Variants in GSE1 observed in about 807,000 individuals in gnomAD.
GSE1 encodes the protein Gse1 coiled-coil protein.
Under a neutral mutation model 112.6 loss-of-function variants are expected in GSE1, and 32 were observed. That is an observed-to-expected ratio of 0.28 (90% CI 0.21 to 0.38). The LOEUF is 0.38. Among genes scored for constraint, GSE1 ranks in the 10% least tolerant of loss-of-function variants. GSE1 has a pLI of 1.00. For missense variants in GSE1, 2,348 were observed against 1,699.2 expected (o/e 1.38, Z -6.71); for synonymous variants, 1,115 against 735.6 (o/e 1.52, Z -8.35).
At chr16:85,595,821 CA>C (rs2047199191) in intron 1 of GSE1, 1 of 125,296 alleles carries the variant, frequency 8.0e-6, no homozygotes, top group African/African-American at 2.9e-5. Context: ...CCCACCCACC[CA>C]CCCACCCACT....
At chr16:85,262,850 C>T (rs907512782) in intron 1 of GSE1, among the ~76,000 whole-genome samples, 3 of 152,186 alleles carry the variant, frequency 2.0e-5, no homozygotes, top group Admixed American at 6.5e-5. Context: ...AAGAACTCGG[C>T]GAGCCTCTGG....
intron 1 of GSE1, among the ~76,000 whole-genome samples, chr16:85,200,353 ATG>A (rs2075005289): frequency 6.7e-6 from 1 of 149,048 alleles, no homozygotes; most frequent in Admixed American, 6.8e-5. Context: ...AGAATAATGA[ATG>A]TTTATGGAGC....
At chr16:85,295,391 C>T (rs181989677) in intron 1 of GSE1, among the ~76,000 whole-genome samples, 21 of 152,392 alleles carry the variant, frequency 1.4e-4, no homozygotes, top group African/African-American at 4.8e-4. Flanking sequence ...CAGCGCGGGT[C>T]AGCACATCAG....
At chr16:85,599,906 G>A (rs539566735) in intron 1 of GSE1, among the ~76,000 whole-genome samples, 29 of 152,276 alleles carry the variant, frequency 1.9e-4, no homozygotes, top group South Asian at 1.9e-3. Context: ...AGACAGATGA[G>A]GCTGTCACCC....
chr16:85,207,426 G>A (rs750731971), intron 1 of GSE1, among the ~76,000 whole-genome samples: 20 of 152,234 alleles, frequency 1.3e-4, no homozygotes, highest in South Asian at 2.1e-4. Context: ...GGTCCGTGCC[G>A]GCCCCCGGGT....
Position 85,661,662 on chromosome 16 carries a change from C to G in GSE1, c.2157C>G (p.Ala719=), listed in dbSNP as rs2052443937. ...CCTACCGGCCCCCAGTGCCACGGGC[C>G]CCCGACCCTGCCTACATCTATGATG... ...GSPYRPPVPR[A]PDPAYIYDEF... Residue 719 remains alanine (A), a synonymous_variant, in exon 9 of 16, where the codon GCC becomes GCG. Transcript: ENST00000253458. 1 of 1,610,890 alleles carries G rather than the reference C, an allele frequency of 6.2e-7. No homozygotes were observed. Among genetic ancestry groups the G allele is most frequent in the African/African-American group, 1.3e-5 (1 of 74,910 alleles).
chr16:85,581,146 G>T (rs914566175), intron 1 of GSE1, among the ~76,000 whole-genome samples: 4 of 152,188 alleles, frequency 2.6e-5, no homozygotes, highest in Non-Finnish European at 4.4e-5. Flanking sequence ...TGTTGGGAGG[G>T]CATCCCACAT....
intron 2 of GSE1, among the ~76,000 whole-genome samples, chr16:85,392,574 T>A (rs1364929062): frequency 6.6e-6 from 1 of 152,178 alleles, no homozygotes; most frequent in Non-Finnish European, 1.5e-5. Context: ...GGGATGCAGG[T>A]TATGTATAAT....
intron 1 of GSE1, among the ~76,000 whole-genome samples, chr16:85,259,501 C>T (rs1487128567): frequency 6.6e-6 from 1 of 152,228 alleles, no homozygotes; most frequent in Non-Finnish European, 1.5e-5. Flanking sequence ...GGCTGGAGGC[C>T]CTCACGGCCG....
At chr16:85,649,012 G>T (rs11861015) in intron 3 of GSE1, among the ~76,000 whole-genome samples, 1 of 151,998 alleles carries the variant, frequency 6.6e-6, no homozygotes, top group African/African-American at 2.4e-5. Context: ...ATTTTCTCCT[G>T]TTCTGGAGGC....
At chr16:85,577,158 C>T (rs1037033413) in intron 1 of GSE1, among the ~76,000 whole-genome samples, 2 of 152,090 alleles carry the variant, frequency 1.3e-5, no homozygotes, top group Non-Finnish European at 2.9e-5. Context: ...GTGAGCTGAC[C>T]GTCCCTGGGC....
At chr16:85,362,831 C>CTTTTTTTT (rs67922655) in intron 2 of GSE1, among the ~76,000 whole-genome samples, 4 of 103,480 alleles carry the variant, frequency 3.9e-5, no homozygotes, top group Non-Finnish European at 7.5e-5. Flanking sequence ...TTATTGATAT[C>CTTTTTTTT]TTTTTTTTTT....
At chr16:85,356,595 C>A (rs926501851) in intron 1 of GSE1, among the ~76,000 whole-genome samples, 9 of 152,256 alleles carry the variant, frequency 5.9e-5, no homozygotes, top group African/African-American at 1.9e-4. Flanking sequence ...GCCGCCCCAC[C>A]TGTTCTCCTG....
intron 2 of GSE1, among the ~76,000 whole-genome samples, chr16:85,642,385 C>A (rs546926647): frequency 6.6e-6 from 1 of 152,322 alleles, no homozygotes; most frequent in African/African-American, 2.4e-5. Context: ...GAAGAGCCCC[C>A]AGGTTAGCAG....
At chr16:85,613,423 GA>G (rs963260742) in intron 1 of GSE1, 25 bp downstream of exon 1, 9 of 1,546,250 alleles carry the variant, frequency 5.8e-6, no homozygotes, top group Non-Finnish European at 7.9e-6. Flanking sequence ...CCCGGCCGGG[GA>G]CGGGGTCCTC....
chr16:85,331,357 G>A (rs188340391), intron 1 of GSE1, among the ~76,000 whole-genome samples: 621 of 57,114 alleles, frequency 0.011, 39 homozygotes, highest in African/African-American at 0.028. Context: ...GTGTGTGTGT[G>A]TGTGTGTGTA....
At chr16:85,613,734 G>T (rs1299421243) in intron 1 of GSE1, among the ~76,000 whole-genome samples, 1 of 150,288 alleles carries the variant, frequency 6.7e-6, no homozygotes, top group Non-Finnish European at 1.5e-5. Flanking sequence ...GGCGGGGGGA[G>T]TCTCCGAGAG....
intron 1 of GSE1, among the ~76,000 whole-genome samples, chr16:85,603,659 G>C (rs2047563418): frequency 6.6e-6 from 1 of 152,134 alleles, no homozygotes; most frequent in Non-Finnish European, 1.5e-5. Flanking sequence ...GTACCCCCAA[G>C]CCTGGTTATT....
At position 85,445,475 on chromosome 16, in the gene GSE1, C is replaced by T. The variant is rs537601958; in HGVS notation, c.2464+87832C>T. On this transcript the variant is annotated intron_variant, in intron 2 of 2. Transcript: ENST00000637419. ...CCAGTCCCCAGACCCCTCACAGGTG[C>T]AGGCCCAGATTCTGTTGAGCTAAGC... Among the ~76,000 whole-genome samples, 3 of 152,366 alleles carry T rather than the reference C, an allele frequency of 2.0e-5. 1 individual carries two copies. Among genetic ancestry groups the T allele is most frequent in the African/African-American group, 7.2e-5 (3 of 41,592 alleles).
Sources: gnomAD v4.1 joint callset for allele counts (sites outside exome capture counted in the v4.1 genomes callset) on GRCh38, gnomAD v4.1.1 for gene constraint, MANE v1.5 for transcripts, NCBI Gene and HGNC (gene_info 2026-07-23, HGNC 2026-07-21) for gene names.